LINGO2: variants seen among roughly 807,000 people sequenced by gnomAD.
The protein encoded by LINGO2 is leucine-rich repeat and immunoglobulin-like domain-containing nogo receptor-interacting protein 2.
LINGO2 carries 14 observed loss-of-function variants against 30.6 expected under a neutral mutation model. The observed-to-expected ratio is 0.46, with a 90% CI of 0.30 to 0.72. The LOEUF (loss-of-function observed/expected upper bound fraction) is 0.72. Among genes scored for constraint, LINGO2 ranks in the 30% least tolerant of loss-of-function variants. The pLI, the probability that LINGO2 is intolerant of heterozygous loss-of-function variation, is 0.07. For missense variants in LINGO2, 729 were observed against 751.7 expected, an observed-to-expected ratio of 0.97 and a Z score of 0.35; for synonymous variants, 317 against 288.5, an observed-to-expected ratio of 1.10 and a Z score of -1.00.
intron 2 of LINGO2, among the ~76,000 whole-genome samples, chr9:28,463,727 A>G (rs149519744): frequency 8.9e-4 from 133 of 148,886 alleles, no homozygotes; most frequent in African/African-American, 3.2e-3. Flanking sequence ...TGAGCCATTG[A>G]AGAGTTTTAT....
chr9:28,800,736 G>C, the LINGO2 span, among the ~76,000 whole-genome samples: 1 of 152,002 alleles, frequency 6.6e-6, no homozygotes, highest in African/African-American at 2.4e-5. Context: ...CATTCATCAA[G>C]TGAAGGAAAA....
intron 4 of LINGO2, among the ~76,000 whole-genome samples, chr9:28,288,548 T>G (rs1428580677): frequency 6.6e-6 from 1 of 152,116 alleles, no homozygotes; most frequent in Admixed American, 6.5e-5. Flanking sequence ...GGCTTGTTAT[T>G]TTGTTGTTGT....
At chr9:29,067,716 T>C in the LINGO2 span, among the ~76,000 whole-genome samples, 3 of 144,878 alleles carry the variant, frequency 2.1e-5, no homozygotes, top group East Asian at 6.1e-4. Context: ...ATTCCTACCA[T>C]ATAAGATGAT....
the LINGO2 span, among the ~76,000 whole-genome samples, chr9:29,088,810 A>C: frequency 2.0e-5 from 3 of 152,196 alleles, no homozygotes; most frequent in African/African-American, 7.2e-5. Flanking sequence ...AGAAAGACTC[A>C]TGGAACAGTG....
the LINGO2 span, among the ~76,000 whole-genome samples, chr9:28,728,580 G>T: frequency 1.3e-3 from 203 of 151,670 alleles, 1 homozygote; most frequent in African/African-American, 4.1e-3. Context: ...AAATTATTTC[G>T]GACTGAACTG....
the LINGO2 span, among the ~76,000 whole-genome samples, chr9:28,802,202 T>C: frequency 1.3e-5 from 2 of 151,984 alleles, no homozygotes; most frequent in South Asian, 2.1e-4. Context: ...TTCCAACAAT[T>C]TGAACAATGC....
intron 2 of LINGO2, among the ~76,000 whole-genome samples, chr9:28,388,884 CTCTT>C (rs1821708794): frequency 6.7e-6 from 1 of 149,314 alleles, no homozygotes; most frequent in Non-Finnish European, 1.5e-5. Flanking sequence ...AGGGTTTTCT[CTCTT>C]TCTCTCTTTC....
At chr9:28,189,713 A>AAGGGAGGAAGGAAGGAAGGG (rs1399628251) in intron 4 of LINGO2, among the ~76,000 whole-genome samples, 1 of 94,064 alleles carries the variant, frequency 1.1e-5, no homozygotes, top group East Asian at 3.4e-4. Context: ...GGAAGGAAGG[A>AAGGGAGGAAGGAAGGAAGGG]AGGAAGGAAG....
At chr9:28,817,704 T>G in the LINGO2 span, among the ~76,000 whole-genome samples, 4 of 152,136 alleles carry the variant, frequency 2.6e-5, no homozygotes, top group African/African-American at 9.7e-5. Context: ...CTATGACTGA[T>G]TGCCCCCACT....
At chr9:28,175,841 G>C (rs990786964) in intron 4 of LINGO2, among the ~76,000 whole-genome samples, 3 of 152,174 alleles carry the variant, frequency 2.0e-5, no homozygotes, top group Admixed American at 1.3e-4. Context: ...TGTATCAACT[G>C]TATGAGCTCC....
At chr9:28,995,528 C>A in the LINGO2 span, among the ~76,000 whole-genome samples, 3 of 151,974 alleles carry the variant, frequency 2.0e-5, no homozygotes, top group African/African-American at 7.2e-5. Context: ...GGGTATATAC[C>A]CAAAGGACTA....
In LINGO2 at chr9:28,512,523, T is replaced by C. The variant is rs112962137; in HGVS notation, c.-364-36498A>G. Among the ~76,000 whole-genome samples the C allele has an allele frequency of 9.6e-3, 1,429 of 148,414 alleles. 18 individuals carry two copies. The highest frequency in any genetic ancestry group is 0.034 in the Admixed American group (508 of 14,822). ...TTGCAGAGCCTTCTCCTGTTCTGGA[T>C]TCCACTTCTGGAACCAAAATCTGTA... On this transcript the variant is annotated intron_variant, in intron 1 of 5. Coordinates refer to ENST00000379992, the Ensembl canonical transcript of LINGO2.
At chr9:28,665,141 C>T (rs1255527363) in intron 1 of LINGO2, among the ~76,000 whole-genome samples, 1 of 150,848 alleles carries the variant, frequency 6.6e-6, no homozygotes, top group Non-Finnish European at 1.5e-5. Context: ...AAAAGAGATG[C>T]TTCTTGAGAA....
the LINGO2 span, among the ~76,000 whole-genome samples, chr9:28,795,125 C>T: frequency 1.3e-5 from 2 of 152,080 alleles, no homozygotes; most frequent in South Asian, 2.1e-4. Flanking sequence ...TGAGCCACCA[C>T]GGCTGGCCAG....
chr9:28,716,098 C>G, the LINGO2 span, among the ~76,000 whole-genome samples: 6 of 151,664 alleles, frequency 4.0e-5, no homozygotes, highest in Non-Finnish European at 7.4e-5. Flanking sequence ...ACTTCCATCT[C>G]AAATGGATAT....
chr9:28,432,242 G>A (rs1296801691), intron 2 of LINGO2, among the ~76,000 whole-genome samples: 1 of 151,976 alleles, frequency 6.6e-6, no homozygotes, highest in Admixed American at 6.6e-5. Context: ...ACTATTGGGG[G>A]AGATAGTTTA....
rs185005969 is a variant in LINGO2, at chr9:28,588,313, T to A, written c.-365+81887A>T. Among the ~76,000 whole-genome samples the A allele has an allele frequency of 4.6e-3, 693 of 151,924 alleles. 5 individuals carry two copies. The highest frequency in any genetic ancestry group is 7.2e-3 in the Non-Finnish European group (487 of 67,818). On this transcript the variant is annotated intron_variant, in intron 1 of 5. Transcript: ENST00000379992. ...AATGAAGTAATATTTTACTAAAATT[T>A]TTCAAGGCTTTGTCCTCAGCCAGGG...
At position 27,950,726 on chromosome 9, in the gene LINGO2, G is replaced by A; in HGVS notation, c.-35-20C>T. ...ACGGGTCTGCATGGAAGGGACACAA[G>A]AAGGGAGGAAGAGAAGGTGAGTTAG... On this transcript the variant is annotated intron_variant, in intron 5 of 5. Transcript: ENST00000379992. The A allele has an allele frequency of 7.3e-7, 1 of 1,378,934 alleles. No homozygotes were observed. The highest frequency in any genetic ancestry group is 2.6e-5 in the Admixed American group (1 of 38,248). 85.4% of individuals were successfully genotyped at this position (1,378,934 alleles called of 1,614,324 possible). A position where few individuals can be genotyped will look rare whatever the true frequency, so the allele number is the denominator to read the frequency against.
Position 28,145,647 on chromosome 9 carries a change from C to T in LINGO2, c.-86-133242G>A, listed in dbSNP as rs115349059. ...TTTTTTCTTCTCTCTCTCCTTCTCT[C>T]CCTCCCTCACTTCTCTTCCTCCCTC... is the stretch of plus-strand genomic sequence containing the variant. On this transcript the variant is annotated intron_variant, in intron 4 of 5. Transcript: ENST00000379992. Among the ~76,000 whole-genome samples the T allele has an allele frequency of 8.6e-3, 1,300 of 151,952 alleles. 14 individuals are homozygous for T. The highest frequency in any genetic ancestry group is 0.03 in the African/African-American group (1,243 of 41,444).
Sources: gnomAD v4.1 joint callset for allele counts (sites outside exome capture counted in the v4.1 genomes callset) on GRCh38, gnomAD v4.1.1 for gene constraint, MANE v1.5 for transcripts, NCBI Gene and HGNC (gene_info 2026-07-23, HGNC 2026-07-21) for gene names.